Variants in ACBD6 observed in about 807,000 individuals in gnomAD.
ACBD6 encodes acyl-CoA binding domain containing 6.
ACBD6 carries 28 observed loss-of-function variants against 37.2 expected under a neutral mutation model. The ratio of observed to expected loss-of-function variants is 0.75; its 90% CI spans 0.56 to 1.03. ACBD6 has a LOEUF of 1.03. Ranked by LOEUF, ACBD6 falls within the 50% of genes least tolerant of loss-of-function variation. ACBD6 has a pLI of 0.00. For synonymous variants in ACBD6, 113 were observed against 126.8 expected (o/e 0.89, Z 0.73); for missense variants, 340 against 337.4 (o/e 1.01, Z -0.06).
intron 3 of ACBD6, chr1:180,435,730 A>C (rs1420284624): frequency 2.4e-6 from 2 of 847,392 alleles, no homozygotes; most frequent in South Asian, 2.6e-5. Flanking sequence ...GGACAGCAGG[A>C]AACAGTAACA....
intron 5 of ACBD6, among the ~76,000 whole-genome samples, chr1:180,401,633 A>C (rs1004879997): frequency 2.6e-5 from 4 of 151,936 alleles, no homozygotes; most frequent in African/African-American, 9.7e-5. Context: ...GAAATACAAA[A>C]AATTAGTGGG....
At chr1:180,493,247 C>CAAAAAAAAAAAAAAAAAAAAAAAAAAA (rs71121023) in intron 2 of ACBD6, among the ~76,000 whole-genome samples, 3 of 47,808 alleles carry the variant, frequency 6.3e-5, no homozygotes, top group Non-Finnish European at 9.5e-5. Flanking sequence ...AATTCTGTCT[C>CAAAAAAAAAAAAAAAAAAAAAAAAAAA]AAAAAAAAAA....
intron 6 of ACBD6, among the ~76,000 whole-genome samples, chr1:180,353,916 C>T (rs1426367690): frequency 1.3e-5 from 2 of 151,926 alleles, no homozygotes; most frequent in Non-Finnish European, 2.9e-5. Flanking sequence ...TCCTCCCTTT[C>T]ATCCACACTT....
At chr1:180,493,268 AAAAAAAAAAAC>A (rs1651587996) in intron 2 of ACBD6, among the ~76,000 whole-genome samples, 14 of 133,074 alleles carry the variant, frequency 1.1e-4, no homozygotes, top group Admixed American at 6.1e-4. Context: ...AAAAAAAAAA[AAAAAAAAAAAC>A]AACAACAGCA....
At chr1:180,370,066 G>A (rs1210482312) in intron 6 of ACBD6, among the ~76,000 whole-genome samples, 2 of 152,156 alleles carry the variant, frequency 1.3e-5, no homozygotes, top group African/African-American at 4.8e-5. Context: ...ATTAAGTGAT[G>A]TGCCAAGTAG....
chr1:180,380,904 T>C (rs1254170301), intron 6 of ACBD6, among the ~76,000 whole-genome samples: 1 of 152,158 alleles, frequency 6.6e-6, no homozygotes, highest in African/African-American at 2.4e-5. Context: ...AATTAAATTT[T>C]CCACTTTAAA....
At chr1:180,298,678 C>T (rs1650013174) in intron 7 of ACBD6, among the ~76,000 whole-genome samples, 1 of 152,106 alleles carries the variant, frequency 6.6e-6, no homozygotes, top group African/African-American at 2.4e-5. Context: ...GAAATTTTAG[C>T]TCAGGTCTAA....
chr1:180,486,240 T>C (rs533993366), intron 3 of ACBD6, among the ~76,000 whole-genome samples: 1 of 152,270 alleles, frequency 6.6e-6, no homozygotes, highest in Non-Finnish European at 1.5e-5. Flanking sequence ...TCCTTCCCTA[T>C]AGCACAATAC....
At chr1:180,296,650 C>T (rs1225145855) in intron 7 of ACBD6, among the ~76,000 whole-genome samples, 2 of 151,672 alleles carry the variant, frequency 1.3e-5, no homozygotes, top group African/African-American at 2.4e-5. Context: ...AGGCTGGTCT[C>T]GAAATCTTGA....
At chr1:180,427,755 C>T (rs552748755) in intron 4 of ACBD6, among the ~76,000 whole-genome samples, 2 of 152,104 alleles carry the variant, frequency 1.3e-5, no homozygotes, top group East Asian at 3.9e-4. Context: ...AACCCTGTCT[C>T]CACTAAAAAT....
intron 3 of ACBD6, among the ~76,000 whole-genome samples, chr1:180,490,111 T>G (rs375443254): frequency 1.5e-3 from 234 of 152,278 alleles, no homozygotes; most frequent in African/African-American, 5.3e-3. Flanking sequence ...CAGGGAAGGA[T>G]GAGAACACAG....
chr1:180,385,103 TAC>T (rs919409717), intron 6 of ACBD6, among the ~76,000 whole-genome samples: 2 of 152,040 alleles, frequency 1.3e-5, no homozygotes, highest in Non-Finnish European at 2.9e-5. Context: ...GGGCTTTTAC[TAC>T]AGTTAGCAAC....
intron 5 of ACBD6, among the ~76,000 whole-genome samples, chr1:180,411,070 A>G (rs80162449): frequency 0.036 from 5,504 of 152,310 alleles, 311 homozygotes; most frequent in African/African-American, 0.12. Flanking sequence ...AGTTACTTGC[A>G]GATGTAACTG....
intron 6 of ACBD6, among the ~76,000 whole-genome samples, chr1:180,352,691 A>G (rs961108178): frequency 1.3e-5 from 2 of 152,228 alleles, no homozygotes; most frequent in African/African-American, 4.8e-5. Flanking sequence ...CAAGTGTGTG[A>G]TATGTTCAAG....
chr1:180,411,918 C>A (rs1647876077), intron 5 of ACBD6, among the ~76,000 whole-genome samples: 1 of 152,070 alleles, frequency 6.6e-6, no homozygotes, highest in African/African-American at 2.4e-5. Flanking sequence ...GATCTGCCCA[C>A]CTCGGCCTCC....
intron 6 of ACBD6, among the ~76,000 whole-genome samples, chr1:180,358,557 A>C (rs1652721436): frequency 6.8e-6 from 1 of 146,216 alleles, no homozygotes; most frequent in Non-Finnish European, 1.5e-5. Flanking sequence ...CAGAAACCCC[A>C]AAAAAAACCC....
chr1:180,435,539 C>T, intron 3 of ACBD6: 3 of 819,004 alleles, frequency 3.7e-6, no homozygotes, highest in Non-Finnish European at 5.9e-6. Context: ...GCATGAGCGA[C>T]CATGCCCAGC....
intron 6 of ACBD6, among the ~76,000 whole-genome samples, chr1:180,354,023 G>C (rs1360205179): frequency 2.6e-5 from 4 of 152,198 alleles, no homozygotes; most frequent in Non-Finnish European, 5.9e-5. Flanking sequence ...TATTTAAGGA[G>C]CAGGATAAAT....
chr1:180,334,845 C>T (rs1246227311), intron 6 of ACBD6, among the ~76,000 whole-genome samples: 2 of 152,090 alleles, frequency 1.3e-5, no homozygotes, highest in East Asian at 1.9e-4. Context: ...AACCATGGCA[C>T]GAGAACTACG....
Sources: allele counts gnomAD v4.1 joint callset (sites outside exome capture counted in the v4.1 genomes callset), GRCh38; gene constraint gnomAD v4.1.1; transcripts MANE v1.5; gene names NCBI Gene and HGNC (gene_info 2026-07-23, HGNC 2026-07-21).